The following IGSF9 variants were observed in gnomAD, a reference collection of about 807,000 sequenced individuals.
IGSF9 encodes immunoglobulin superfamily member 9.
Under a neutral mutation model 121.7 loss-of-function variants are expected in IGSF9, and 87 were observed. That is an observed-to-expected ratio of 0.71 (90% confidence interval 0.60 to 0.85). IGSF9 has a LOEUF of 0.85. IGSF9 is among the 40% of genes least tolerant of loss of function. The pLI, the probability that IGSF9 is intolerant of heterozygous loss-of-function variation, is 0.00. For synonymous variants in IGSF9, 640 were observed against 648.4 expected (o/e 0.99, Z 0.20); for missense variants, 1,462 against 1,565.3 (o/e 0.93, Z 1.11).
rs1161504637 is a variant in IGSF9, at chr1:159,929,677, G to T, written c.2287C>A (p.Arg763Ser). The T allele has an allele frequency of 6.3e-7, 1 of 1,595,830 alleles. No homozygotes were observed. The highest frequency in any genetic ancestry group is 1.3e-5 in the African/African-American group (1 of 74,906). ...SILAGCLLNR[R>S]RAARRRRKRL... The stretch of plus-strand genomic sequence containing the variant: ...TTGCGGCGGCGGCGGGCAGCCCTGC[G>T]CCGGTTCAGGAGGCAGCCGGCCAGG... The change falls in exon 17 of 21, where the codon CGC becomes AGC. Residue 763 changes from arginine to serine, a missense_variant. By Grantham distance (110) the Arg-to-Ser change is moderately radical. Transcript: ENST00000368094.
At chr1:159,944,832 C>T (rs1050925954) in intron 1 of IGSF9, among the ~76,000 whole-genome samples, 3 of 152,126 alleles carry the variant, frequency 2.0e-5, no homozygotes, top group Non-Finnish European at 4.4e-5. Flanking sequence ...TAACTTCTGG[C>T]AATTCACTAG....
intron 4 of IGSF9, 106 bp downstream of exon 4, chr1:159,937,580 T>G: frequency 1.5e-6 from 2 of 1,321,942 alleles, no homozygotes; most frequent in Non-Finnish European, 1.1e-6. Context: ...TCAGAGCTGT[T>G]TGTGGGATGG....
rs778256739 is a variant in IGSF9, at chr1:159,934,451, G to A, written c.935C>T (p.Ser312Leu). The change falls in exon 8 of 21, where the codon TCA (serine) becomes TTA (leucine). Residue 312 changes from serine (S) to leucine (L), a missense_variant. By Grantham distance (145) the Ser-to-Leu change is moderately radical. Coordinates refer to ENST00000368094, the MANE Select transcript of IGSF9 (RefSeq NM_001135050.2). ...GAGCACAGTGAGGTAGGCAGAGGCTGAGGGTGGATGCAGGAGGCCATTGCT... is the reference window on the plus strand; with the variant it reads ...GAGCACAGTGAGGTAGGCAGAGGCTAAGGGTGGATGCAGGAGGCCATTGCT... ...VPSNGLLHPP[S>L]ASAYLTVLYP... 6.3e-7 allele frequency: 1 copy of A among 1,595,404 alleles called. No homozygotes were observed. The highest frequency in any genetic ancestry group is 8.5e-7 in the Non-Finnish European group (1 of 1,170,930).
At chr1:159,928,071 C>A in intron 19 of IGSF9, 87 bp downstream of exon 19, 1 of 1,521,914 alleles carries the variant, frequency 6.6e-7, no homozygotes, top group Non-Finnish European at 8.9e-7. Flanking sequence ...GGGAGTGGAG[C>A]AGAGAAGGTG....
intron 3 of IGSF9, among the ~76,000 whole-genome samples, chr1:159,939,151 C>A (rs1341704353): frequency 6.6e-6 from 1 of 152,198 alleles, no homozygotes; most frequent in South Asian, 2.1e-4. Context: ...AGCCTACTTG[C>A]CAGTCTCCCT....
chr1:159,929,184 G>T, intron 18 of IGSF9, 166 bp from the exon 19 acceptor site: 2 of 1,287,780 alleles, frequency 1.6e-6, no homozygotes, highest in Non-Finnish European at 2.2e-6. Flanking sequence ...AGGCCATACT[G>T]GAACGGCCTC....
At chr1:159,945,134 G>A (rs4656859) in intron 1 of IGSF9, among the ~76,000 whole-genome samples, 15,361 of 149,332 alleles carry the variant, frequency 0.1, 820 homozygotes, top group Middle Eastern at 0.17. Context: ...CCAGCTTCTC[G>A]CACCTGATCT....
At chr1:159,927,589 T>A (rs1395290270) in intron 20 of IGSF9, 63 bp from the exon 21 acceptor site, 3 of 1,572,076 alleles carry the variant, frequency 1.9e-6, no homozygotes, top group Non-Finnish European at 2.6e-6. Context: ...AGAGCTCAGA[T>A]GTGAAGCTCG....
In IGSF9 at chr1:159,937,760, C is replaced by T. The variant is rs755384018; in HGVS notation, c.326G>A (p.Arg109His). Reference protein sequence around the residue: ...RVEDQGWYECRVFFLDQHIPE... With the variant: ...RVEDQGWYECHVFFLDQHIPE... Reference sequence around the variant, plus strand: ...GATGTGCTGGTCCAGGAAGAACACGCGGCACTCGTACCAGCCCTGGTCTTC... The same window carrying T: ...GATGTGCTGGTCCAGGAAGAACACGTGGCACTCGTACCAGCCCTGGTCTTC... The change falls in exon 4 of 21, where the codon CGC becomes CAC. Residue 109 changes from arginine (R) to histidine (H), a missense_variant. Physicochemically the swap from Arg to His is conservative, Grantham distance 29. This residue lies in a region of IGSF9 where 558 missense variants were observed against 599.4 expected (regional missense o/e 0.93). Transcript: ENST00000368094. 36 of 1,613,948 alleles carry T rather than the reference C, an allele frequency of 2.2e-5. No individual in the cohort carries two copies. The highest frequency in any genetic ancestry group is 2.2e-4 in the South Asian group (20 of 91,092).
intron 16 of IGSF9, 36 bp downstream of exon 16, chr1:159,929,855 C>T (rs1259557098): frequency 6.3e-7 from 1 of 1,587,056 alleles, no homozygotes; most frequent in South Asian, 1.1e-5. Context: ...GGACTCGGAG[C>T]AGCCCTGGGG....
At chr1:159,944,136 CA>C (rs1338205879) in intron 1 of IGSF9, among the ~76,000 whole-genome samples, 1 of 152,128 alleles carries the variant, frequency 6.6e-6, no homozygotes, top group Non-Finnish European at 1.5e-5. Context: ...GATATCTGCT[CA>C]GGGGCAGAGA....
In IGSF9 at chr1:159,927,235, G is replaced by T; in HGVS notation, c.*110C>A. On this transcript the variant is annotated 3_prime_UTR_variant, in exon 21 of 21. Transcript: ENST00000368094. ...ACCCACTATCAGGGTCTGTGCCTGG[G>T]CACCAAAGGGGCAGGCAGGGGCAGT... 2 of 1,319,738 alleles carry T rather than the reference G, an allele frequency of 1.5e-6. No individual in the cohort carries two copies. The highest frequency in any genetic ancestry group is 2.2e-6 in the Non-Finnish European group (2 of 922,426). 81.8% of individuals were successfully genotyped at this position (1,319,738 alleles called of 1,614,324 possible). A position where few individuals can be genotyped will look rare whatever the true frequency, so the allele number is the denominator to read the frequency against.
chr1:159,932,442 C>T lies in IGSF9; in HGVS notation c.1245+70G>A. ...TCTGCCCCACCCCACCCCCATCAGCCTGGCCTTAGCACCATCTCCAGCCAT... is the reference window on the plus strand; with the variant it reads ...TCTGCCCCACCCCACCCCCATCAGCTTGGCCTTAGCACCATCTCCAGCCAT... On this transcript the variant is annotated intron_variant, in intron 10 of 20. Coordinates refer to ENST00000368094, the MANE Select transcript of IGSF9 (RefSeq NM_001135050.2). The surrounding 1 kb of genome is among the most constrained non-coding windows in gnomAD (Gnocchi z 4.1). 1.3e-6 allele frequency: 2 copies of T among 1,527,626 alleles called. No homozygotes were observed. The highest frequency in any genetic ancestry group is 2.3e-5 in the South Asian group (2 of 87,370). 94.6% of individuals were successfully genotyped at this position (1,527,626 alleles called of 1,614,324 possible).
rs1213123870 is a variant in IGSF9 at position 159,943,572 on chromosome 1, G to A, written c.-118C>T. 1.4e-5 allele frequency: 13 copies of A among 945,154 alleles called. No individual in the cohort carries two copies. The highest frequency in any genetic ancestry group is 1.9e-5 in the Non-Finnish European group (13 of 669,318). The allele number at this position is 945,154 out of a possible 1,614,324, so 58.5% of individuals were successfully genotyped here. ...GTTTCAGCTCTCACTCTTCTGTACA[G>A]TGAGGGCTTGGCTCATGTAACACCC... On this transcript the variant is annotated 5_prime_UTR_variant, in exon 2 of 21. Coordinates refer to ENST00000368094, the MANE Select transcript of IGSF9 (RefSeq NM_001135050.2).
At chr1:159,929,547 A>G in intron 17 of IGSF9, 91 bp downstream of exon 17, 4 of 1,489,086 alleles carry the variant, frequency 2.7e-6, no homozygotes, top group Non-Finnish European at 3.6e-6. Flanking sequence ...CCTGGATCAC[A>G]CAGGAGCGAG....
chr1:159,927,629 G>C, intron 20 of IGSF9, 103 bp from the exon 21 acceptor site: 5 of 1,538,406 alleles, frequency 3.3e-6, no homozygotes, highest in Non-Finnish European at 4.4e-6. Flanking sequence ...ATGGCCCAAG[G>C]GGGCAAGGCA....
At position 159,932,373 on chromosome 1, in the gene IGSF9, C is replaced by T. The variant is rs1221640584; in HGVS notation, c.1245+139G>A. On this transcript the variant is annotated intron_variant, in intron 10 of 20. Transcript: ENST00000368094. This position sits in a 1 kb window ranked among gnomAD's most constrained non-coding sequence, Gnocchi z 4.1. ...TGGGATGGCATCAGGCAGCTGCTGC[C>T]GTGGCCACCATGGGAAACAAACTTG... 18 of 912,698 alleles carry T rather than the reference C, an allele frequency of 2.0e-5. No individual in the cohort carries two copies. The highest frequency in any genetic ancestry group is 4.9e-5 in the African/African-American group (3 of 61,000). 56.5% of individuals were successfully genotyped at this position (912,698 alleles called of 1,614,324 possible). A position where few individuals can be genotyped will look rare whatever the true frequency, so the allele number is the denominator to read the frequency against.
At position 159,927,385 on chromosome 1, in the gene IGSF9, C is replaced by G. The variant is rs763969390; in HGVS notation, c.3500G>C (p.Arg1167Pro). 6.2e-7 allele frequency: 1 copy of G among 1,613,526 alleles called. No homozygotes were observed. The highest frequency in any genetic ancestry group is 1.7e-5 in the Admixed American group (1 of 59,988). Residue 1167 changes from arginine to proline, a missense_variant, in exon 21 of 21, where the codon CGA becomes CCA. Coordinates refer to ENST00000368094, the MANE Select transcript of IGSF9 (RefSeq NM_001135050.2). ...DATRARLPAY[R>P]QPVPHPEQAT... is the part of the protein sequence containing the mutation. Reference sequence around the variant, plus strand: ...CTGTTCGGGGTGGGGGACTGGCTGTCGATAGGCTGGTAGCCGAGCCCTAGT... The same window carrying G: ...CTGTTCGGGGTGGGGGACTGGCTGTGGATAGGCTGGTAGCCGAGCCCTAGT...
intron 6 of IGSF9, 73 bp from the exon 7 acceptor site, chr1:159,934,895 A>G (rs1427853343): frequency 3.8e-6 from 6 of 1,567,670 alleles, no homozygotes; most frequent in Non-Finnish European, 5.2e-6. Flanking sequence ...CACCTCTACA[A>G]CTCTTCCCAG....
Sources: gnomAD v4.1 joint callset for allele counts (sites outside exome capture counted in the v4.1 genomes callset) on GRCh38, gnomAD v4.1.1 for gene constraint, gnomAD v4.1.1 regional missense constraint, Gnocchi (gnomAD v3.1) non-coding constraint, MANE v1.5 for transcripts, NCBI Gene and HGNC (gene_info 2026-07-23, HGNC 2026-07-21) for gene names.